The following TTC28 variants were observed in gnomAD, a reference collection of about 807,000 sequenced individuals.
TTC28 encodes the protein tetratricopeptide repeat domain 28.
TTC28 carries 61 observed loss-of-function variants against 198.0 expected under a neutral mutation model. The observed-to-expected ratio is 0.31, with a 90% CI of 0.25 to 0.38. TTC28 has a LOEUF of 0.38. Ranked by LOEUF, TTC28 falls within the 10% of genes least tolerant of loss-of-function variation. TTC28 has a pLI of 1.00. For missense variants in TTC28, 2,678 were observed against 3,164.0 expected (o/e 0.85, Z 3.69); for synonymous variants, 1,171 against 1,297.8 (o/e 0.90, Z 2.10).
intron 12 of TTC28, among the ~76,000 whole-genome samples, chr22:28,046,628 A>G (rs114716971): frequency 0.011 from 1,609 of 152,292 alleles, 31 homozygotes; most frequent in African/African-American, 0.036. Flanking sequence ...AGTGAGCACT[A>G]CTACAACTGT....
At chr22:28,644,137 C>T (rs1601657247) in intron 1 of TTC28, among the ~76,000 whole-genome samples, 2 of 152,222 alleles carry the variant, frequency 1.3e-5, no homozygotes, top group East Asian at 1.9e-4. Flanking sequence ...CGGTGGCTCA[C>T]GCCTGTAATC....
chr22:28,193,956 C>T (rs935245734), intron 5 of TTC28, among the ~76,000 whole-genome samples: 3 of 151,258 alleles, frequency 2.0e-5, no homozygotes. Context: ...ATCTACAGAA[C>T]TCTCCACCCC....
chr22:28,677,743 G>C (rs1601688546), intron 1 of TTC28, among the ~76,000 whole-genome samples: 1 of 152,096 alleles, frequency 6.6e-6, no homozygotes, highest in African/African-American at 2.4e-5. Flanking sequence ...TTTGGGACCA[G>C]CCTGGGCAAC....
At chr22:28,585,049 T>C (rs1195423714) in intron 2 of TTC28, among the ~76,000 whole-genome samples, 2 of 152,150 alleles carry the variant, frequency 1.3e-5, no homozygotes, top group Non-Finnish European at 2.9e-5. Flanking sequence ...TGAGAGAATT[T>C]GAAATAAGGA....
At chr22:28,270,262 A>G (rs1931971803) in intron 5 of TTC28, among the ~76,000 whole-genome samples, 1 of 152,254 alleles carries the variant, frequency 6.6e-6, no homozygotes, top group South Asian at 2.1e-4. Flanking sequence ...TTGGGAAAGC[A>G]TTTGAATCCT....
intron 2 of TTC28, among the ~76,000 whole-genome samples, chr22:28,487,021 A>G (rs1159064400): frequency 2.0e-5 from 3 of 152,156 alleles, no homozygotes; most frequent in Non-Finnish European, 2.9e-5. Flanking sequence ...CTCACTTAAC[A>G]TTTAGTTGAG....
chr22:28,386,812 GT>G lies in TTC28; in HGVS notation c.382-80170del, dbSNP rs901346354. On this transcript the variant is annotated intron_variant, in intron 2 of 22. Transcript: ENST00000397906. ...ATCATTTAACTTTAGCTTTCTTATA[GT>G]TTTTTTTTGTTTTTTTGTTTTGTTT... 2.4e-3 allele frequency among the ~76,000 whole-genome samples: 361 copies of G among 150,916 alleles called. 1 individual carries two copies. The highest frequency in any genetic ancestry group is 3.5e-3 in the Non-Finnish European group (235 of 67,664).
chr22:28,326,866 C>T (rs1190536410), intron 2 of TTC28, among the ~76,000 whole-genome samples: 1 of 151,880 alleles, frequency 6.6e-6, no homozygotes, highest in Non-Finnish European at 1.5e-5. Context: ...AAAGATCAAT[C>T]CAGGGTTGTG....
chr22:28,036,075 A>G (rs1601543124), intron 12 of TTC28, among the ~76,000 whole-genome samples: 2 of 152,216 alleles, frequency 1.3e-5, no homozygotes, highest in Non-Finnish European at 2.9e-5. Context: ...GATATTAGAC[A>G]GATCAACGAG....
intron 5 of TTC28, among the ~76,000 whole-genome samples, chr22:28,261,370 T>TC (rs1931306770): frequency 6.6e-6 from 1 of 152,046 alleles, no homozygotes; most frequent in Non-Finnish European, 1.5e-5. Flanking sequence ...AACAGGGTGA[T>TC]CCCTGGAGGC....
At chr22:28,239,681 T>C (rs1352283853) in intron 5 of TTC28, among the ~76,000 whole-genome samples, 2 of 152,062 alleles carry the variant, frequency 1.3e-5, no homozygotes, top group African/African-American at 4.8e-5. Flanking sequence ...TTTTTGGGTT[T>C]TTTTCCCCTA....
In TTC28 at chr22:28,167,772, G is replaced by A. The variant is rs530641682; in HGVS notation, c.934-4173C>T. On this transcript the variant is annotated intron_variant, in intron 5 of 22. Transcript: ENST00000397906. ...TTGAAAACTGGCACAAGACAGGGAT[G>A]CCCTCTCTCACCACTCCTATTCAAC... Among the ~76,000 whole-genome samples the A allele has an allele frequency of 4.6e-5, 7 of 152,288 alleles. No homozygotes were observed. In the South Asian group the frequency reaches 1.5e-3, roughly 32 times the overall value.
At chr22:28,584,566 T>TG (rs1359410046) in intron 2 of TTC28, among the ~76,000 whole-genome samples, 1 of 152,248 alleles carries the variant, frequency 6.6e-6, no homozygotes, top group African/African-American at 2.4e-5. Context: ...GGCTATTGAA[T>TG]GTTGGAAGTG....
chr22:28,337,590 T>C (rs574750009), intron 2 of TTC28, among the ~76,000 whole-genome samples: 5 of 152,368 alleles, frequency 3.3e-5, no homozygotes, highest in African/African-American at 1.2e-4. Flanking sequence ...TTTACCATTA[T>C]GTAATGGCGT....
At chr22:28,088,567 A>T (rs1941705530) in intron 12 of TTC28, among the ~76,000 whole-genome samples, 1 of 151,378 alleles carries the variant, frequency 6.6e-6, no homozygotes, top group Non-Finnish European at 1.5e-5. Flanking sequence ...ACCCTAGAAA[A>T]AAACCTAGGC....
chr22:28,526,624 A>G (rs1039193755), intron 2 of TTC28, among the ~76,000 whole-genome samples: 1 of 152,162 alleles, frequency 6.6e-6, no homozygotes, highest in African/African-American at 2.4e-5. Flanking sequence ...TCTGTTCCAA[A>G]CCCACCCTTC....
Position 28,350,889 on chromosome 22 carries a change from G to A in TTC28, c.382-44246C>T, listed in dbSNP as rs540472885. 8.0e-4 allele frequency among the ~76,000 whole-genome samples: 121 copies of A among 152,172 alleles called. No homozygotes were observed. In the South Asian group the frequency reaches 8.1e-3, roughly 10 times the overall value. On this transcript the variant is annotated intron_variant, in intron 2 of 22. Coordinates refer to ENST00000397906, the MANE Select transcript of TTC28 (RefSeq NM_001145418.2). ...TGAGAATCACTGTTATAATCCTTAA[G>A]AAACACTTCTCGGCCGGGCGCAGTG...
intron 2 of TTC28, among the ~76,000 whole-genome samples, chr22:28,574,364 TGTGTGTGTGTGTTGTGTGTGA>T (rs2050112290): frequency 6.6e-6 from 1 of 151,870 alleles, no homozygotes; most frequent in South Asian, 2.1e-4. Flanking sequence ...TGTGTGTGTG[TGTGTGTGTGTGTTGTGTGTGA>T]GTGTGTGTGT....
chr22:28,531,106 A>G (rs2145898487), intron 2 of TTC28, among the ~76,000 whole-genome samples: 1 of 152,338 alleles, frequency 6.6e-6, no homozygotes, highest in South Asian at 2.1e-4. Context: ...TAAAAGACAC[A>G]GACTGGCAAA....
Sources: allele counts gnomAD v4.1 joint callset (sites outside exome capture counted in the v4.1 genomes callset), GRCh38; gene constraint gnomAD v4.1.1; transcripts MANE v1.5; gene names NCBI Gene and HGNC (gene_info 2026-07-23, HGNC 2026-07-21).